Variants in TOP6BL observed in about 807,000 individuals in gnomAD.
TOP6BL encodes the protein TOP6B like initiator of meiotic double strand breaks, also known as type 2 DNA topoisomerase 6 subunit B-like.
At chr11:66,843,448 A>C in the TOP6BL span, 1 of 1,399,944 alleles carries the variant, frequency 7.1e-7, no homozygotes, top group Non-Finnish European at 9.2e-7. Flanking sequence ...GCCGCGGGTC[A>C]GGGCGCAATG....
chr11:66,796,175 A>T, the TOP6BL span: 1 of 807,934 alleles, frequency 1.2e-6, no homozygotes, highest in Non-Finnish European at 2.0e-6. Flanking sequence ...TTGTCCAAAA[A>T]GCTTTCTGAG....
the TOP6BL span, among the ~76,000 whole-genome samples, chr11:66,807,658 G>A: frequency 6.6e-6 from 1 of 152,172 alleles, no homozygotes; most frequent in Non-Finnish European, 1.5e-5. Flanking sequence ...TTTAGGAGAG[G>A]TTTGAATTAC....
At chr11:66,794,112 TAAAAAAAAA>T in the TOP6BL span, among the ~76,000 whole-genome samples, 1 of 110,522 alleles carries the variant, frequency 9.0e-6, no homozygotes, top group Admixed American at 9.9e-5. Context: ...ACCCTGTTTC[TAAAAAAAAA>T]AAAAAAAAAA....
the TOP6BL span, among the ~76,000 whole-genome samples, chr11:66,776,913 T>C: frequency 6.6e-6 from 1 of 151,968 alleles, no homozygotes; most frequent in Non-Finnish European, 1.5e-5. Context: ...TAGCTGGGCA[T>C]GGTGGTGTGC....
chr11:66,815,969 T>C, the TOP6BL span: 1 of 1,329,620 alleles, frequency 7.5e-7, no homozygotes, highest in Non-Finnish European at 1.0e-6. Flanking sequence ...GATCCTTCTT[T>C]GTTCAGAATA....
the TOP6BL span, chr11:66,745,058 C>A: frequency 1.1e-6 from 1 of 908,156 alleles, no homozygotes; most frequent in Non-Finnish European, 1.4e-6. Flanking sequence ...GCCCGTCTCC[C>A]ACGGGGAAGC....
the TOP6BL span, chr11:66,759,120 G>A: frequency 3.5e-6 from 5 of 1,438,384 alleles, no homozygotes; most frequent in African/African-American, 1.4e-5. Flanking sequence ...TAACTTCCAT[G>A]AGACTGAATA....
chr11:66,762,237 C>T, the TOP6BL span: 1 of 575,000 alleles, frequency 1.7e-6, no homozygotes, highest in African/African-American at 1.9e-5. Flanking sequence ...CCGCAGGGGG[C>T]CCGGCCGCAG....
chr11:66,800,259 A>T, the TOP6BL span, among the ~76,000 whole-genome samples: 1 of 152,166 alleles, frequency 6.6e-6, no homozygotes, highest in South Asian at 2.1e-4. Context: ...GGGAGTTGTT[A>T]GTTAAAGTGT....
the TOP6BL span, among the ~76,000 whole-genome samples, chr11:66,786,131 C>G: frequency 6.6e-6 from 1 of 152,086 alleles, no homozygotes; most frequent in Admixed American, 6.6e-5. Flanking sequence ...AAACCTGTCT[C>G]TACTAAAAAT....
chr11:66,758,302 C>CTTTTTCTT, the TOP6BL span: 2 of 67,318 alleles, frequency 3.0e-5, no homozygotes, highest in African/African-American at 7.1e-5. Flanking sequence ...TTTTCTTTTT[C>CTTTTTCTT]TTTTTTTTTT....
the TOP6BL span, among the ~76,000 whole-genome samples, chr11:66,774,924 C>T: frequency 4.6e-5 from 7 of 151,608 alleles, no homozygotes; most frequent in Admixed American, 1.3e-4. Flanking sequence ...ACCAGCCTGG[C>T]CAACATGGTG....
At chr11:66,815,368 T>C in the TOP6BL span, among the ~76,000 whole-genome samples, 3 of 152,228 alleles carry the variant, frequency 2.0e-5, no homozygotes, top group African/African-American at 7.2e-5. Flanking sequence ...GAGGTACTTC[T>C]CTACATGGAT....
the TOP6BL span, among the ~76,000 whole-genome samples, chr11:66,813,433 G>A: frequency 6.6e-6 from 1 of 152,012 alleles, no homozygotes; most frequent in Non-Finnish European, 1.5e-5. Context: ...TGTGGAAAAG[G>A]CTTAATATGT....
At chr11:66,780,240 A>G in the TOP6BL span, among the ~76,000 whole-genome samples, 2 of 152,214 alleles carry the variant, frequency 1.3e-5, no homozygotes, top group Non-Finnish European at 1.5e-5. Context: ...ATACTCAAAT[A>G]CTTATAATTC....
chr11:66,784,265 C>T, the TOP6BL span, among the ~76,000 whole-genome samples: 1 of 152,104 alleles, frequency 6.6e-6, no homozygotes, highest in South Asian at 2.1e-4. Context: ...GATCTCCTGA[C>T]CTCGTGATTC....
chr11:66,834,750 T>C, the TOP6BL span, among the ~76,000 whole-genome samples: 6 of 152,284 alleles, frequency 3.9e-5, no homozygotes, highest in African/African-American at 9.6e-5. Context: ...GGTGTGATCA[T>C]GGTGCACTAC....
At chr11:66,748,497 C>G in the TOP6BL span, 14 of 1,546,490 alleles carry the variant, frequency 9.1e-6, no homozygotes, top group Non-Finnish European at 1.2e-5. Context: ...CAGGCAAATG[C>G]TCTTCATTGT....
chr11:66,758,520 T>G, the TOP6BL span: 1 of 152,140 alleles, frequency 6.6e-6, no homozygotes, highest in African/African-American at 2.4e-5. Flanking sequence ...TTCACCGTGT[T>G]AGCCAGGATG....
Sources: allele counts gnomAD v4.1 joint callset (sites outside exome capture counted in the v4.1 genomes callset), GRCh38; gene constraint gnomAD v4.1.1; transcripts MANE v1.5; gene names NCBI Gene and HGNC (gene_info 2026-07-23, HGNC 2026-07-21).